NIPA1: variants seen among roughly 807,000 people sequenced by gnomAD.
The protein encoded by NIPA1 is magnesium transporter NIPA1.
NIPA1 carries 13 observed loss-of-function variants against 23.9 expected under a neutral mutation model. That is an observed-to-expected ratio of 0.54 (90% CI 0.35 to 0.87). The LOEUF (loss-of-function observed/expected upper bound fraction) is 0.87. Ranked by LOEUF, NIPA1 falls within the 40% of genes least tolerant of loss-of-function variation. NIPA1 has a pLI of 0.01. For missense variants in NIPA1, 362 were observed against 429.7 expected, an observed-to-expected ratio of 0.84 and a Z score of 1.39; for synonymous variants, 234 against 202.9, an observed-to-expected ratio of 1.15 and a Z score of -1.30.
chr15:22,810,602 G>T, intron 1 of NIPA1, 147 bp from the exon 2 acceptor site: 1 of 655,082 alleles, frequency 1.5e-6, no homozygotes, highest in Non-Finnish European at 2.8e-6. Flanking sequence ...ATAGATGAAA[G>T]ATTCTCTTTA....
chr15:22,795,193 T>C (rs867037512), intron 1 of NIPA1, among the ~76,000 whole-genome samples: 3 of 152,100 alleles, frequency 2.0e-5, no homozygotes, highest in African/African-American at 7.2e-5. Flanking sequence ...ATCACTGATA[T>C]AGGCATGGTG....
intron 1 of NIPA1, among the ~76,000 whole-genome samples, chr15:22,793,500 G>A (rs1397456484): frequency 6.6e-6 from 1 of 151,562 alleles, no homozygotes; most frequent in East Asian, 1.9e-4. Flanking sequence ...GAGTGCAATG[G>A]CGTGATCTTG....
chr15:22,801,348 C>G (rs1159408532), intron 1 of NIPA1, among the ~76,000 whole-genome samples: 1 of 151,868 alleles, frequency 6.6e-6, no homozygotes, highest in Non-Finnish European at 1.5e-5. Flanking sequence ...GACATCTACC[C>G]GTCATGTATC....
At chr15:22,795,837 G>A (rs527905201) in intron 1 of NIPA1, among the ~76,000 whole-genome samples, 5 of 152,268 alleles carry the variant, frequency 3.3e-5, no homozygotes, top group African/African-American at 4.8e-5. Context: ...TGGTGGTGCC[G>A]GAATGTGAAC....
rs1355032877 is a variant in NIPA1 at position 22,824,272 on chromosome 15, A to T, written c.*33A>T. The T allele has an allele frequency of 6.3e-7, 1 of 1,582,260 alleles. No homozygotes were observed. Among genetic ancestry groups the T allele is most frequent in the Non-Finnish European group, 8.7e-7 (1 of 1,151,092 alleles). On this transcript the variant is annotated 3_prime_UTR_variant, in exon 5 of 5. Coordinates refer to ENST00000337435, the MANE Select transcript of NIPA1 (RefSeq NM_144599.5). This position sits in a 1 kb window ranked among gnomAD's most constrained non-coding sequence, Gnocchi z 4.1. ...TAGGAGCTTGGATGGTTCGAGGAAT[A>T]GGCATTGGAGGTGGTTTCTGGCCGT...
intron 1 of NIPA1, 37 bp downstream of exon 1, chr15:22,786,871 G>T (rs764691446): frequency 2.3e-6 from 2 of 879,530 alleles, no homozygotes; most frequent in South Asian, 3.4e-5. Flanking sequence ...GCGGGCGGGT[G>T]GGGGAGGCGG....
Position 22,828,386 on chromosome 15 carries a change from C to T in NIPA1, c.*4147C>T, listed in dbSNP as rs886050989. 1 of 152,534 alleles carries T rather than the reference C, an allele frequency of 6.6e-6. No homozygotes were observed. The highest frequency in any genetic ancestry group is 6.5e-5 in the Admixed American group (1 of 15,270). 9.4% of individuals were successfully genotyped at this position (152,534 alleles called of 1,614,324 possible). A position where few individuals can be genotyped will look rare whatever the true frequency, so the allele number is the denominator to read the frequency against. On this transcript the variant is annotated 3_prime_UTR_variant, in exon 5 of 5. Transcript: ENST00000337435. The stretch of plus-strand genomic sequence containing the variant: ...CTCAATTTTTTGTATTCCTCATTTC[C>T]ACCTCACAATTGTACTGGTGATGAA...
chr15:22,817,163 G>A (rs796421747), intron 3 of NIPA1, among the ~76,000 whole-genome samples: 8 of 131,414 alleles, frequency 6.1e-5, no homozygotes, highest in African/African-American at 2.4e-4. Flanking sequence ...CTCCAGCCCA[G>A]GCAACAGAGT....
intron 4 of NIPA1, among the ~76,000 whole-genome samples, chr15:22,823,120 C>T (rs1895575460): frequency 7.2e-6 from 1 of 139,108 alleles, no homozygotes; most frequent in Non-Finnish European, 1.6e-5. Context: ...AGGGTTTCAC[C>T]AAGTTAGCCA....
At chr15:22,803,479 G>A (rs887574881) in intron 1 of NIPA1, among the ~76,000 whole-genome samples, 1 of 143,878 alleles carries the variant, frequency 7.0e-6, no homozygotes, top group Admixed American at 6.9e-5. Flanking sequence ...TCTGTGGCTT[G>A]CCTTTTCATT....
At chr15:22,822,271 G>A (rs1895554149) in intron 4 of NIPA1, among the ~76,000 whole-genome samples, 1 of 152,166 alleles carries the variant, frequency 6.6e-6, no homozygotes. Flanking sequence ...TCTAGGCTCT[G>A]ATTATTATAG....
intron 3 of NIPA1, among the ~76,000 whole-genome samples, chr15:22,819,583 C>A (rs982771645): frequency 1.3e-5 from 2 of 152,176 alleles, no homozygotes; most frequent in Non-Finnish European, 2.9e-5. Context: ...ATAGCCACCC[C>A]ATACTACTTC....
chr15:22,789,263 A>T (rs538630305), intron 1 of NIPA1, among the ~76,000 whole-genome samples: 1 of 152,288 alleles, frequency 6.6e-6, no homozygotes, highest in Non-Finnish European at 1.5e-5. Flanking sequence ...TGCTGGGATT[A>T]CAGGCGTGAG....
chr15:22,792,779 C>A (rs988089397), intron 1 of NIPA1, among the ~76,000 whole-genome samples: 2 of 151,846 alleles, frequency 1.3e-5, no homozygotes, highest in Non-Finnish European at 1.5e-5. Context: ...CGTGGTGAAA[C>A]CCCGTCTGTA....
rs752255834 is a variant in NIPA1 at position 22,786,738 on chromosome 15, G to A, written c.82G>A (p.Val28Met). 5 of 1,270,250 alleles carry A rather than the reference G, an allele frequency of 3.9e-6. No homozygotes were observed. Among genetic ancestry groups the A allele is most frequent in the Non-Finnish European group, 4.0e-6 (4 of 988,704 alleles). The allele number at this position is 1,270,250 out of a possible 1,614,324, so 78.7% of individuals were successfully genotyped here. A position where few individuals can be genotyped will look rare whatever the true frequency, so the allele number is the denominator to read the frequency against. ...EGARSPSPAA[V>M]SLGLGVAVVS... is the part of the protein sequence containing the mutation. ...GGCGCGTAGCCCGAGCCCCGCCGCCGTGTCGCTCGGCCTGGGCGTGGCCGT... is the reference window on the plus strand; with the variant it reads ...GGCGCGTAGCCCGAGCCCCGCCGCCATGTCGCTCGGCCTGGGCGTGGCCGT... Residue 28 changes from valine to methionine, a missense_variant, in exon 1 of 5, where the codon GTG becomes ATG. Transcript: ENST00000337435.
In NIPA1 at chr15:22,823,954, C is replaced by A; in HGVS notation, c.705C>A (p.Ala235=). ...TCTGCCTGTGCCTGGTACTCCTGGC[C>A]GTGCTCGGCTGCAGCATCATCGTCC... The part of the protein sequence containing the change: ...RALCLCLVLL[A]VLGCSIIVQF... The change falls in exon 5 of 5, where the codon GCC becomes GCA. Residue 235 remains alanine (A), a synonymous_variant. Coordinates refer to ENST00000337435, the MANE Select transcript of NIPA1 (RefSeq NM_144599.5). The A allele has an allele frequency of 6.2e-7, 1 of 1,614,172 alleles. No individual in the cohort carries two copies. Among genetic ancestry groups the A allele is most frequent in the South Asian group, 1.1e-5 (1 of 91,084 alleles).
At chr15:22,804,030 G>T (rs1014880223) in intron 1 of NIPA1, among the ~76,000 whole-genome samples, 6 of 151,646 alleles carry the variant, frequency 4.0e-5, no homozygotes, top group Non-Finnish European at 8.8e-5. Context: ...AGGCTGGAAT[G>T]CAGTGGCGTG....
At chr15:22,800,974 C>T (rs1225064277) in intron 1 of NIPA1, among the ~76,000 whole-genome samples, 6 of 150,250 alleles carry the variant, frequency 4.0e-5, no homozygotes, top group South Asian at 2.1e-4. Context: ...GGTGTGATGT[C>T]GCATGCCTGT....
At chr15:22,808,832 G>C (rs1024586994) in intron 1 of NIPA1, among the ~76,000 whole-genome samples, 1 of 151,776 alleles carries the variant, frequency 6.6e-6, no homozygotes, top group African/African-American at 2.4e-5. Flanking sequence ...ACCACACCCA[G>C]CTAATTTTTA....
Sources: allele counts gnomAD v4.1 joint callset (sites outside exome capture counted in the v4.1 genomes callset), GRCh38; gene constraint gnomAD v4.1.1; non-coding constraint Gnocchi (gnomAD v3.1); transcripts MANE v1.5; gene names NCBI Gene and HGNC (gene_info 2026-07-23, HGNC 2026-07-21).